TMEM248: variants seen among roughly 807,000 people sequenced by gnomAD.
The protein encoded by TMEM248 is UPF0458 protein C7orf42.
In TMEM248, 9 loss-of-function variants were observed where a neutral mutation model predicts 30.3. The observed-to-expected ratio is 0.30, with a 90% CI of 0.18 to 0.52. The LOEUF is 0.52. Ranked by LOEUF, TMEM248 falls within the 20% of genes least tolerant of loss-of-function variation. The pLI, the probability that TMEM248 is intolerant of heterozygous loss-of-function variation, is 0.97. For synonymous variants in TMEM248, 184 were observed against 154.4 expected, an observed-to-expected ratio of 1.19 and a Z score of -1.42; for missense variants, 338 against 403.3, an observed-to-expected ratio of 0.84 and a Z score of 1.39.
At chr7:66,925,866 C>G (rs1046846266) in intron 1 of TMEM248, among the ~76,000 whole-genome samples, 17 of 151,892 alleles carry the variant, frequency 1.1e-4, no homozygotes, top group Non-Finnish European at 2.4e-4. Context: ...TGGTCTTGAA[C>G]TCCTGACCTC....
In TMEM248 at chr7:66,921,261, C is replaced by T. The variant is rs1285301558; in HGVS notation, c.-219C>T. ...GCGGTTGCCGGAGCCCGAACTGAGG[C>T]GGCGGCGGGAGCCCGGTTGGCGTCT... On this transcript the variant is annotated 5_prime_UTR_variant, in exon 1 of 7. Coordinates refer to ENST00000341567, the MANE Select transcript of TMEM248 (RefSeq NM_017994.5). The T allele has an allele frequency of 2.0e-5, 3 of 149,866 alleles. No homozygotes were observed. The highest frequency in any genetic ancestry group is 3.0e-5 in the Non-Finnish European group (2 of 67,512). The allele number at this position is 149,866 out of a possible 1,614,324, so 9.3% of individuals were successfully genotyped here.
At chr7:66,938,031 T>C (rs1791850330) in intron 1 of TMEM248, among the ~76,000 whole-genome samples, 1 of 152,196 alleles carries the variant, frequency 6.6e-6, no homozygotes, top group Admixed American at 6.5e-5. Flanking sequence ...CGGTTATTTC[T>C]TTATTTCCAT....
At chr7:66,949,215 G>A (rs1447015202) in intron 4 of TMEM248, among the ~76,000 whole-genome samples, 3 of 151,890 alleles carry the variant, frequency 2.0e-5, no homozygotes, top group East Asian at 1.9e-4. Context: ...AGCCAGGTGC[G>A]GTGTCTCATG....
rs1475405243 is a variant in TMEM248 at position 66,953,257 on chromosome 7, T to C, written c.812T>C (p.Met271Thr). 6.2e-7 allele frequency: 1 copy of C among 1,614,044 alleles called. No homozygotes were observed. Among genetic ancestry groups the C allele is most frequent in the Non-Finnish European group, 8.5e-7 (1 of 1,180,030 alleles). Residue 271 changes from methionine to threonine, a missense_variant, in exon 6 of 7, where the codon ATG (methionine) becomes ACG (threonine). Transcript: ENST00000341567. ...CGTTCATTAATAAATTTGCATCTCA[T>C]GCACACCAGTTACTTCCTCTTTGTG... ...DDRSLINLHL[M>T]HTSYFLFVMV...
intron 1 of TMEM248, among the ~76,000 whole-genome samples, chr7:66,932,885 G>C (rs946569098): frequency 2.6e-5 from 4 of 151,098 alleles, no homozygotes; most frequent in African/African-American, 7.3e-5. Flanking sequence ...TGTTTGTTTT[G>C]AGACAGAGTC....
In TMEM248 at chr7:66,951,168, G is replaced by A. The variant is rs192206936; in HGVS notation, c.780+33G>A. 177 of 1,536,126 alleles carry A rather than the reference G, an allele frequency of 1.2e-4. 2 individuals carry two copies. In the East Asian group the frequency reaches 3.2e-3, roughly 28 times the overall value. ...AGAAAAATTGTGTGTGTGTGTGTGC[G>A]TGCATGCATATGCACATGTGTGCGC... On this transcript the variant is annotated intron_variant, in intron 5 of 6. Transcript: ENST00000341567.
rs1197137793 is a variant in TMEM248 at position 66,951,013 on chromosome 7, A to T, written c.658A>T (p.Thr220Ser). The part of the protein sequence containing the change: ...SNATLWYKIF[T>S]TARDANTKYA... ...CGCCACGCTCTGGTACAAGATCTTC[A>T]CAACTGCCAGAGATGCCAACACAAA... Residue 220 changes from threonine to serine, a missense_variant, in exon 5 of 7, where the codon ACA becomes TCA. Thr to Ser is a moderately conservative substitution (Grantham distance 58). Transcript: ENST00000341567. The T allele has an allele frequency of 6.2e-7, 1 of 1,612,418 alleles. No individual in the cohort carries two copies. The highest frequency in any genetic ancestry group is 1.7e-5 in the Admixed American group (1 of 59,424).
intron 2 of TMEM248, among the ~76,000 whole-genome samples, chr7:66,942,443 A>C (rs1282347801): frequency 2.6e-5 from 4 of 152,188 alleles, no homozygotes; most frequent in African/African-American, 9.7e-5. Context: ...TTTTTTCATG[A>C]GATAAGAAGG....
chr7:66,929,859 T>A (rs1028888019), intron 1 of TMEM248, among the ~76,000 whole-genome samples: 1 of 152,090 alleles, frequency 6.6e-6, no homozygotes, highest in African/African-American at 2.4e-5. Context: ...AGAGCCAGAG[T>A]GTCAAGGATG....
intron 1 of TMEM248, among the ~76,000 whole-genome samples, chr7:66,926,064 A>G (rs1176651677): frequency 1.3e-5 from 2 of 152,208 alleles, no homozygotes; most frequent in Admixed American, 6.5e-5. Flanking sequence ...TTTCTTTGAT[A>G]AAAGTCATCC....
At position 66,941,561 on chromosome 7, in the gene TMEM248, AACACACACACACACAC is replaced by A. The variant is rs72442084; in HGVS notation, c.-18-265_-18-250del. On this transcript the variant is annotated intron_variant, in intron 1 of 6. Transcript: ENST00000341567. ...CAGAACGAGAGACCCTGTTTCTTAAAACACACACACACACACACACACACACACACACACACAATAT... is the reference window on the plus strand; with the variant it reads ...CAGAACGAGAGACCCTGTTTCTTAAAACACACACACACACACACACAATAT... Among the ~76,000 whole-genome samples, 10 of 142,698 alleles carry A rather than the reference AACACACACACACACAC, an allele frequency of 7.0e-5. No homozygotes were observed. In the East Asian group the frequency reaches 8.3e-4, roughly 12 times the overall value. The allele number at this position is 142,698 out of a possible 152,430, so 93.6% of individuals were successfully genotyped here.
intron 1 of TMEM248, among the ~76,000 whole-genome samples, chr7:66,923,855 A>G (rs1454828959): frequency 6.6e-6 from 1 of 152,014 alleles, no homozygotes; most frequent in African/African-American, 2.4e-5. Flanking sequence ...TAATGGAGAC[A>G]GGGTTTCACC....
chr7:66,948,723 G>A (rs1792182660), intron 4 of TMEM248, 29 bp downstream of exon 4: 7 of 1,584,058 alleles, frequency 4.4e-6, no homozygotes, highest in Non-Finnish European at 6.0e-6. Flanking sequence ...TGATGAACGT[G>A]CGTAACAAGC....
In TMEM248 at chr7:66,942,014, A is replaced by G; in HGVS notation, c.149A>G (p.Glu50Gly). Residue 50 changes from glutamate to glycine, a missense_variant, in exon 2 of 7, where the codon GAA becomes GGA. Coordinates refer to ENST00000341567, the MANE Select transcript of TMEM248 (RefSeq NM_017994.5). ...FFKIKEIKSP[E>G]MAEDWNTFLL... ...AAAATCAAGGAGATTAAATCCCCAG[A>G]AATGGCAGAGGTATAGTATGCTCTG... The G allele has an allele frequency of 6.2e-7, 1 of 1,614,086 alleles. No homozygotes were observed. Among genetic ancestry groups the G allele is most frequent in the Non-Finnish European group, 8.5e-7 (1 of 1,179,966 alleles).
intron 1 of TMEM248, among the ~76,000 whole-genome samples, chr7:66,931,385 C>G (rs1441983577): frequency 6.6e-6 from 1 of 150,816 alleles, no homozygotes; most frequent in African/African-American, 2.4e-5. Context: ...TGTACATATG[C>G]GGGCTTTGGA....
intron 1 of TMEM248, among the ~76,000 whole-genome samples, chr7:66,932,868 TTTTG>T (rs911058061): frequency 7.3e-5 from 11 of 150,506 alleles, no homozygotes; most frequent in Non-Finnish European, 1.0e-4. Flanking sequence ...CCTGTGGGTG[TTTTG>T]TTTGTTTGTT....
chr7:66,949,803 GT>G (rs138580783), intron 4 of TMEM248, among the ~76,000 whole-genome samples: 1 of 151,436 alleles, frequency 6.6e-6, no homozygotes, highest in Non-Finnish European at 1.5e-5. Flanking sequence ...TGCATTTTAG[GT>G]TTTTTTTGTT....
intron 1 of TMEM248, among the ~76,000 whole-genome samples, chr7:66,929,406 A>G (rs962900173): frequency 6.8e-6 from 1 of 146,396 alleles, no homozygotes; most frequent in Admixed American, 6.9e-5. Context: ...CAGAAACAAT[A>G]TCATGGAAAT....
At chr7:66,927,120 A>G (rs886596445) in intron 1 of TMEM248, among the ~76,000 whole-genome samples, 3 of 152,234 alleles carry the variant, frequency 2.0e-5, no homozygotes, top group Admixed American at 2.0e-4. Flanking sequence ...GATGGTTGGC[A>G]ATTATTTAAA....
Sources: allele counts gnomAD v4.1 joint callset (sites outside exome capture counted in the v4.1 genomes callset), GRCh38; gene constraint gnomAD v4.1.1; transcripts MANE v1.5; gene names NCBI Gene and HGNC (gene_info 2026-07-23, HGNC 2026-07-21).